RGS6: variants seen among roughly 807,000 people sequenced by gnomAD.
RGS6 encodes regulator of G protein signaling 6, also known as regulator of G-protein signaling 6.
In RGS6, 30 loss-of-function variants were observed where a neutral mutation model predicts 78.5. The observed-to-expected ratio is 0.38, with a 90% CI of 0.29 to 0.52. The LOEUF is 0.52. Among genes scored for constraint, RGS6 ranks in the 20% least tolerant of loss-of-function variants. The pLI, the probability that RGS6 is intolerant of heterozygous loss-of-function variation, is 0.85. For synonymous variants in RGS6, 206 were observed against 206.0 expected (o/e 1.00, Z 0.00); for missense variants, 495 against 609.7 (o/e 0.81, Z 1.98).
chr14:71,883,128 G>T, the RGS6 span, among the ~76,000 whole-genome samples: 1 of 152,058 alleles, frequency 6.6e-6, no homozygotes, highest in South Asian at 2.1e-4. Context: ...TTAAATCAAT[G>T]TGATAACTCA....
intron 2 of RGS6, among the ~76,000 whole-genome samples, chr14:72,173,770 G>A (rs941527183): frequency 1.3e-5 from 2 of 152,078 alleles, no homozygotes; most frequent in African/African-American, 4.8e-5. Context: ...TCCTCTCCTT[G>A]GGGCTATGGT....
chr14:72,587,785 A>C, the RGS6 span, among the ~76,000 whole-genome samples: 2 of 152,220 alleles, frequency 1.3e-5, no homozygotes, highest in Non-Finnish European at 2.9e-5. Flanking sequence ...ACTGTCTACT[A>C]ACACTAGGTA....
intron 3 of RGS6, among the ~76,000 whole-genome samples, chr14:72,373,820 C>CT (rs551356805): frequency 2.6e-5 from 4 of 150,994 alleles, no homozygotes; most frequent in Non-Finnish European, 4.4e-5. Context: ...TTTAAATTGT[C>CT]TTTTTTTTTC....
At chr14:71,958,132 T>C (rs1208841624) in intron 1 of RGS6, among the ~76,000 whole-genome samples, 1 of 152,120 alleles carries the variant, frequency 6.6e-6, no homozygotes, top group Non-Finnish European at 1.5e-5. Context: ...AGGATTGGAA[T>C]GGAGAAGTCA....
At chr14:71,924,585 GCTGT>G in the RGS6 span, among the ~76,000 whole-genome samples, 2 of 152,024 alleles carry the variant, frequency 1.3e-5, no homozygotes, top group African/African-American at 4.8e-5. Flanking sequence ...CCACTGTTAT[GCTGT>G]CTGTTTCTAT....
At chr14:72,305,865 G>A (rs147668322) in intron 2 of RGS6, among the ~76,000 whole-genome samples, 2 of 152,322 alleles carry the variant, frequency 1.3e-5, no homozygotes, top group East Asian at 3.9e-4. Context: ...AGCTGAGACA[G>A]GCCAAAAGCT....
the RGS6 span, among the ~76,000 whole-genome samples, chr14:72,581,108 G>A: frequency 7.2e-5 from 11 of 152,262 alleles, no homozygotes; most frequent in East Asian, 2.1e-3. Context: ...ATGTCTAGGG[G>A]CAGCCTCTTG....
rs185712717 is a variant in RGS6 at position 72,210,003 on chromosome 14, C to G, written c.85-142092C>G. Among the ~76,000 whole-genome samples, 13 of 152,302 alleles carry G rather than the reference C, an allele frequency of 8.5e-5. No individual in the cohort carries two copies. The East Asian group carries it at 1.9e-3, about 23-fold the overall frequency. ...ATTAGGTAGATATTTAGAGAGCACC[C>G]TTTTATGGACCAAACTCTTTGCAGA... On this transcript the variant is annotated intron_variant, in intron 2 of 17. Coordinates refer to ENST00000553525, the MANE Select transcript of RGS6 (RefSeq NM_001204424.2).
At chr14:72,243,536 T>C (rs2053462129) in intron 2 of RGS6, among the ~76,000 whole-genome samples, 1 of 152,120 alleles carries the variant, frequency 6.6e-6, no homozygotes, top group Non-Finnish European at 1.5e-5. Context: ...CTACAGGTAT[T>C]GATTGCCTTC....
chr14:72,130,902 G>A lies in RGS6; in HGVS notation c.84+166027G>A, dbSNP rs551138502. On this transcript the variant is annotated intron_variant, in intron 2 of 17. Coordinates refer to ENST00000553525, the MANE Select transcript of RGS6 (RefSeq NM_001204424.2). ...TGTTGGGGGGATAGGAGGGTGATGGGAGAGCCTCCTGGAATAGTCTTAGAG... is the reference window on the plus strand; with the variant it reads ...TGTTGGGGGGATAGGAGGGTGATGGAAGAGCCTCCTGGAATAGTCTTAGAG... Among the ~76,000 whole-genome samples, 4 of 152,322 alleles carry A rather than the reference G, an allele frequency of 2.6e-5. No homozygotes were observed. In the South Asian group the frequency reaches 8.3e-4, roughly 32 times the overall value.
chr14:72,158,408 T>G (rs891614216), intron 2 of RGS6, among the ~76,000 whole-genome samples: 2 of 152,226 alleles, frequency 1.3e-5, no homozygotes, highest in East Asian at 3.9e-4. Context: ...AAGATGGTCA[T>G]ATGTGAGATA....
intron 3 of RGS6, among the ~76,000 whole-genome samples, chr14:72,356,293 A>G (rs1431518703): frequency 6.6e-6 from 1 of 152,066 alleles, no homozygotes; most frequent in African/African-American, 2.4e-5. Context: ...CTGATGGTTT[A>G]AAAGTGTGGC....
At chr14:72,288,644 G>T (rs936621528) in intron 2 of RGS6, among the ~76,000 whole-genome samples, 1 of 152,208 alleles carries the variant, frequency 6.6e-6, no homozygotes, top group Non-Finnish European at 1.5e-5. Context: ...GGAATGGTGG[G>T]TGACAGTGAA....
intron 2 of RGS6, among the ~76,000 whole-genome samples, chr14:72,045,655 C>A (rs887544939): frequency 6.6e-6 from 1 of 151,770 alleles, no homozygotes. Context: ...AGTGGGCTTG[C>A]ATTCATGGCC....
chr14:72,068,806 T>A (rs148693375), intron 2 of RGS6, among the ~76,000 whole-genome samples: 1 of 151,400 alleles, frequency 6.6e-6, no homozygotes, highest in African/African-American at 2.4e-5. Context: ...ACTCTTCCTT[T>A]CTCTCCTCCT....
chr14:72,399,628 A>G (rs542399300), intron 3 of RGS6, among the ~76,000 whole-genome samples: 3 of 152,292 alleles, frequency 2.0e-5, no homozygotes, highest in East Asian at 3.9e-4. Context: ...CCTAGCATCA[A>G]TGGTCTTTAC....
At chr14:72,109,216 G>A (rs1413938501) in intron 2 of RGS6, among the ~76,000 whole-genome samples, 1 of 151,878 alleles carries the variant, frequency 6.6e-6, no homozygotes, top group African/African-American at 2.4e-5. Context: ...TTGAGAGCAG[G>A]TGCTGGCTAA....
At chr14:72,178,362 C>A (rs1005721421) in intron 2 of RGS6, among the ~76,000 whole-genome samples, 1 of 152,210 alleles carries the variant, frequency 6.6e-6, no homozygotes, top group Non-Finnish European at 1.5e-5. Flanking sequence ...CACCCCTTTC[C>A]CCCTCAGACA....
chr14:72,375,089 A>G (rs1461744950), intron 3 of RGS6, among the ~76,000 whole-genome samples: 1 of 152,238 alleles, frequency 6.6e-6, no homozygotes, highest in Non-Finnish European at 1.5e-5. Context: ...AACAAATAAT[A>G]TGAAAGAGAG....
Sources: allele counts gnomAD v4.1 joint callset (sites outside exome capture counted in the v4.1 genomes callset), GRCh38; gene constraint gnomAD v4.1.1; transcripts MANE v1.5; gene names NCBI Gene and HGNC (gene_info 2026-07-23, HGNC 2026-07-21).